The following ABCC4 variants were observed in gnomAD, a reference collection of about 807,000 sequenced individuals.
ABCC4 encodes the protein ATP-binding cassette sub-family C member 4.
Under a neutral mutation model 168.5 loss-of-function variants are expected in ABCC4, and 102 were observed. The ratio of observed to expected loss-of-function variants is 0.61; its 90% CI spans 0.52 to 0.71. ABCC4 has a LOEUF of 0.71. Among genes scored for constraint, ABCC4 ranks in the 30% least tolerant of loss-of-function variants. The pLI is 0.00. For missense variants in ABCC4, 1,402 were observed against 1,605.8 expected, an observed-to-expected ratio of 0.87 and a Z score of 2.17; for synonymous variants, 617 against 590.7, an observed-to-expected ratio of 1.04 and a Z score of -0.65.
chr13:95,112,735 C>T lies in ABCC4; in HGVS notation c.2535+3187G>A, dbSNP rs556923587. ...AATCTCAGCTGCTGGGTTGAGAAGG[C>T]CTCACTTTCTGTGAGTTTCTCTGGG... On this transcript the variant is annotated intron_variant, in intron 20 of 30. Coordinates refer to ENST00000645237, the MANE Select transcript of ABCC4 (RefSeq NM_005845.5). Among the ~76,000 whole-genome samples the T allele has an allele frequency of 3.4e-4, 52 of 152,074 alleles. 1 individual carries two copies. The highest frequency in any genetic ancestry group is 3.5e-4 in the Non-Finnish European group (24 of 68,030).
intron 13 of ABCC4, among the ~76,000 whole-genome samples, chr13:95,172,016 T>G (rs1051752701): frequency 1.3e-5 from 2 of 152,214 alleles, no homozygotes; most frequent in African/African-American, 4.8e-5. Flanking sequence ...AATGATCAAA[T>G]CTGATGGGTG....
chr13:95,107,300 T>C (rs2035042795), intron 20 of ABCC4, among the ~76,000 whole-genome samples: 1 of 152,154 alleles, frequency 6.6e-6, no homozygotes, highest in Admixed American at 6.5e-5. Flanking sequence ...AAAGTATAAA[T>C]TGTGACAGAA....
Position 95,206,561 on chromosome 13 carries a change from C to T in ABCC4, c.1132G>A (p.Glu378Lys). 1 of 1,614,172 alleles carries T rather than the reference C, an allele frequency of 6.2e-7. No homozygotes were observed. The highest frequency in any genetic ancestry group is 8.5e-7 in the Non-Finnish European group (1 of 1,179,998). ...ATTCTTCGGATGCTGACGATTGCCT[C>T]TGACACCCTCTCAATGGCTGAGGGG... ...FFPSAIERVS[E>K]AIVSIRRIQT... The change falls in exon 8 of 31, where the codon GAG (glutamate) becomes AAG (lysine). Residue 378 changes from glutamate to lysine, a missense_variant. Around this residue, in one of 3 missense-constraint regions of ABCC4, gnomAD observed 78 missense variants for 133.0 expected, o/e 0.59. Transcript: ENST00000645237.
chr13:95,095,182 G>A (rs575758242), intron 20 of ABCC4, among the ~76,000 whole-genome samples: 118 of 152,302 alleles, frequency 7.7e-4, no homozygotes, highest in Non-Finnish European at 4.4e-4. Context: ...ATTTGGAAAA[G>A]ATACTTGCAC....
At chr13:95,062,671 A>G (rs781624092) in intron 26 of ABCC4, 33 bp downstream of exon 26, 2 of 1,572,014 alleles carry the variant, frequency 1.3e-6, no homozygotes, top group African/African-American at 2.7e-5. Flanking sequence ...GCTCTTATAA[A>G]AGGGGCAGGT....
intron 1 of ABCC4, among the ~76,000 whole-genome samples, chr13:95,294,886 A>G (rs1192367750): frequency 6.6e-6 from 1 of 152,148 alleles, no homozygotes; most frequent in African/African-American, 2.4e-5. Context: ...CTCCGGAGGC[A>G]GAGGTTGCAA....
chr13:95,069,970 T>C (rs9524789), intron 25 of ABCC4, among the ~76,000 whole-genome samples: 1 of 152,042 alleles, frequency 6.6e-6, no homozygotes, highest in East Asian at 1.9e-4. Context: ...CCAGGCATGG[T>C]GGCTCATGCC....
chr13:95,071,777 G>C lies in ABCC4; in HGVS notation c.3095C>G (p.Pro1032Arg), dbSNP rs201038632. 149 of 1,608,318 alleles carry C rather than the reference G, an allele frequency of 9.3e-5. No homozygotes were observed. In the East Asian group the frequency reaches 2.3e-3, roughly 25 times the overall value. ...CACTCCTTCATGGGGCCAGGCTGGTGGTGGGCGTTTCTGATATTCCCAAGG... is the reference window on the plus strand; with the variant it reads ...CACTCCTTCATGGGGCCAGGCTGGTCGTGGGCGTTTCTGATATTCCCAAGG... ...EAPWEYQKRP[P>R]PAWPHEGVII... The change falls in exon 25 of 31, where the codon CCA becomes CGA. Residue 1032 changes from proline (P) to arginine (R), a missense_variant. Coordinates refer to ENST00000645237, the MANE Select transcript of ABCC4 (RefSeq NM_005845.5).
chr13:95,117,755 A>G (rs970904183), intron 19 of ABCC4, among the ~76,000 whole-genome samples: 2 of 151,904 alleles, frequency 1.3e-5, no homozygotes, highest in Non-Finnish European at 2.9e-5. Context: ...TCAGCTTTTA[A>G]AAAGTTGAAA....
chr13:95,255,208 A>C (rs796706357), intron 1 of ABCC4, among the ~76,000 whole-genome samples: 5 of 152,326 alleles, frequency 3.3e-5, no homozygotes, highest in African/African-American at 1.2e-4. Context: ...GGTGTAGCCC[A>C]CCGCCAGCAC....
At chr13:95,244,206 C>T (rs2040022943) in intron 3 of ABCC4, among the ~76,000 whole-genome samples, 1 of 152,264 alleles carries the variant, frequency 6.6e-6, no homozygotes. Flanking sequence ...GCTCCTGAGA[C>T]TGAATCTGGG....
intron 19 of ABCC4, among the ~76,000 whole-genome samples, chr13:95,130,006 T>G (rs1173821735): frequency 7.0e-6 from 1 of 141,914 alleles, no homozygotes; most frequent in African/African-American, 2.6e-5. Flanking sequence ...ACCTGGGGAG[T>G]GGAGGTTGCA....
Position 95,075,465 on chromosome 13 carries a change from C to T in ABCC4, c.2773G>A (p.Glu925Lys), listed in dbSNP as rs770717813. Residue 925 changes from glutamate to lysine, a missense_variant, in exon 22 of 31, where the codon GAA becomes AAA. Glu to Lys is a moderately conservative substitution (Grantham distance 56, BLOSUM62 1). This residue lies in a region of ABCC4 where 1,007 missense variants were observed against 1,127.3 expected (regional missense o/e 0.89). Transcript: ENST00000645237. ...RAYKAEERCQELFDAHQDLHS... is the reference protein window; with the variant it reads ...RAYKAEERCQKLFDAHQDLHS... ...AAATCCTGGTGTGCATCAAACAGTT[C>T]CTGACACCTCTCTTCTGCTTTGTAT... 20 of 1,614,014 alleles carry T rather than the reference C, an allele frequency of 1.2e-5. No individual in the cohort carries two copies. Among genetic ancestry groups the T allele is most frequent in the Non-Finnish European group, 1.4e-5 (17 of 1,180,000 alleles).
At chr13:95,080,171 A>G (rs1236231402) in intron 21 of ABCC4, among the ~76,000 whole-genome samples, 3 of 152,294 alleles carry the variant, frequency 2.0e-5, no homozygotes, top group Middle Eastern at 3.4e-3. Context: ...CATGGGACAC[A>G]TGGGTTCACA....
chr13:95,276,678 C>T (rs924186284), intron 1 of ABCC4, among the ~76,000 whole-genome samples: 1 of 152,120 alleles, frequency 6.6e-6, no homozygotes. Flanking sequence ...AGCCTTCAAC[C>T]CCTCTCAAAC....
chr13:95,245,877 T>A (rs989898213), intron 3 of ABCC4, among the ~76,000 whole-genome samples: 2 of 28,538 alleles, frequency 7.0e-5, no homozygotes, highest in Non-Finnish European at 1.3e-4. Context: ...ACCAACCCCC[T>A]CCCCCCACCC....
intron 1 of ABCC4, among the ~76,000 whole-genome samples, chr13:95,253,902 CTT>C (rs556791330): frequency 1.3e-3 from 202 of 151,880 alleles, no homozygotes; most frequent in Middle Eastern, 3.4e-3. Flanking sequence ...GGATTTTTCT[CTT>C]TTTTTTGAGA....
intron 4 of ABCC4, among the ~76,000 whole-genome samples, chr13:95,217,688 T>G (rs1440292554): frequency 1.6e-5 from 1 of 62,932 alleles, no homozygotes; most frequent in Non-Finnish European, 5.0e-5. Flanking sequence ...GAGCCAAGAT[T>G]GCGCCACTCC....
At chr13:95,166,030 T>G in intron 15 of ABCC4, 128 bp downstream of exon 15, 2 of 874,486 alleles carry the variant, frequency 2.3e-6, no homozygotes, top group Non-Finnish European at 3.6e-6. Context: ...TATCATGGAA[T>G]AGAGCCCTGA....
Sources: gnomAD v4.1 joint callset for allele counts (sites outside exome capture counted in the v4.1 genomes callset) on GRCh38, gnomAD v4.1.1 for gene constraint, gnomAD v4.1.1 regional missense constraint, MANE v1.5 for transcripts, NCBI Gene and HGNC (gene_info 2026-07-23, HGNC 2026-07-21) for gene names.